LEMD3: variants seen among roughly 807,000 people sequenced by gnomAD.
LEMD3 encodes inner nuclear membrane protein Man1.
In LEMD3, 33 loss-of-function variants were observed where a neutral mutation model predicts 95.2. The ratio of observed to expected loss-of-function variants is 0.35; its 90% CI spans 0.26 to 0.46. LEMD3 has a LOEUF of 0.46. LEMD3 is among the 20% of genes least tolerant of loss of function. The probability of loss-of-function intolerance (pLI) is 1.00; values close to 1 mark genes in which losing one functional copy is unlikely to be tolerated. For synonymous variants in LEMD3, 525 were observed against 474.6 expected, an observed-to-expected ratio of 1.11 and a Z score of -1.38; for missense variants, 1,210 against 1,192.8, an observed-to-expected ratio of 1.01 and a Z score of -0.21.
intron 4 of LEMD3, among the ~76,000 whole-genome samples, chr12:65,231,087 G>T (rs556642822): frequency 1.3e-5 from 2 of 152,188 alleles, no homozygotes; most frequent in South Asian, 4.1e-4. Context: ...ATTTTTATAA[G>T]ATTATGGATT....
chr12:65,176,242 T>C, intron 1 of LEMD3, among the ~76,000 whole-genome samples: 1 of 152,238 alleles, frequency 6.6e-6, no homozygotes, highest in East Asian at 1.9e-4. Context: ...TCTAAACTCG[T>C]TGGCTAAACT....
chr12:65,186,940 G>A (rs1009173189), intron 1 of LEMD3, among the ~76,000 whole-genome samples: 8 of 151,962 alleles, frequency 5.3e-5, no homozygotes, highest in Admixed American at 3.9e-4. Flanking sequence ...GACATGATAT[G>A]AATATAAATA....
At position 65,210,759 on chromosome 12, in the gene LEMD3, C is replaced by G. The variant is rs575432007; in HGVS notation, c.1523-167C>G. On this transcript the variant is annotated intron_variant, in intron 1 of 12. Coordinates refer to ENST00000308330, the MANE Select transcript of LEMD3 (RefSeq NM_014319.5). ...CAAAGTGAGAATGATAAGTATAAGT[C>G]TGAAAAATTACTTCCCTAACCTTTA... is the stretch of plus-strand genomic sequence containing the variant. Among the ~76,000 whole-genome samples the G allele has an allele frequency of 3.9e-5, 6 of 152,246 alleles. No individual in the cohort carries two copies. In the East Asian group the frequency reaches 1.2e-3, roughly 29 times the overall value.
chr12:65,242,100 G>A (rs1870955485), intron 9 of LEMD3, among the ~76,000 whole-genome samples: 2 of 152,126 alleles, frequency 1.3e-5, no homozygotes, highest in South Asian at 2.1e-4. Context: ...ATGCATTTCA[G>A]TTTCCCTATA....
intron 1 of LEMD3, among the ~76,000 whole-genome samples, chr12:65,174,334 C>G (rs978912308): frequency 1.3e-5 from 2 of 152,096 alleles, no homozygotes; most frequent in East Asian, 3.8e-4. Context: ...AACTGCCATA[C>G]CAAAACAACT....
chr12:65,193,679 G>C (rs1246324413), intron 1 of LEMD3, among the ~76,000 whole-genome samples: 1 of 151,430 alleles, frequency 6.6e-6, no homozygotes, highest in African/African-American at 2.4e-5. Context: ...AATTATTAGA[G>C]AGACAGTTAA....
At chr12:65,220,579 C>A (rs1379596512) in intron 4 of LEMD3, among the ~76,000 whole-genome samples, 1 of 151,990 alleles carries the variant, frequency 6.6e-6, no homozygotes, top group African/African-American at 2.4e-5. Context: ...TTGATGTAGT[C>A]CCACTTTTCT....
At position 65,213,217 on chromosome 12, in the gene LEMD3, C is replaced by CTGTT. The variant is rs574381800; in HGVS notation, c.1560+2272_1560+2275dup. Among the ~76,000 whole-genome samples, 47 of 152,022 alleles carry CTGTT rather than the reference C, an allele frequency of 3.1e-4. No individual in the cohort carries two copies. In the South Asian group the frequency reaches 7.1e-3, roughly 23 times the overall value. ...TCTAGTATATAGACGGTCATTTAAA[C>CTGTT]TGTTTGTTTGTTTGTTTGTTTTTTT... On this transcript the variant is annotated intron_variant, in intron 2 of 12. Coordinates refer to ENST00000308330, the MANE Select transcript of LEMD3 (RefSeq NM_014319.5).
In LEMD3 at chr12:65,240,890, C is replaced by T. The variant is rs1870914370; in HGVS notation, c.2127-19C>T. 6.2e-7 allele frequency: 1 copy of T among 1,611,884 alleles called. No individual in the cohort carries two copies. The highest frequency in any genetic ancestry group is 1.3e-5 in the African/African-American group (1 of 74,826). ...CAAGCCAAGATGATAGTAAATTTGC[C>T]ATTTTGTTCACATGATAGGAAAAAA... On this transcript the variant is annotated intron_variant, in intron 8 of 12. Coordinates refer to ENST00000308330, the MANE Select transcript of LEMD3 (RefSeq NM_014319.5).
intron 1 of LEMD3, among the ~76,000 whole-genome samples, chr12:65,178,197 C>T (rs116481197): frequency 0.021 from 3,161 of 150,064 alleles, 126 homozygotes; most frequent in African/African-American, 0.075. Flanking sequence ...TGAAGTTTTA[C>T]GAGTTGACTG....
intron 1 of LEMD3, among the ~76,000 whole-genome samples, chr12:65,198,775 T>C (rs1393570569): frequency 1.3e-5 from 2 of 152,214 alleles, no homozygotes; most frequent in Non-Finnish European, 2.9e-5. Context: ...GTGGTTGTTA[T>C]ACTGTATTGT....
intron 1 of LEMD3, among the ~76,000 whole-genome samples, chr12:65,195,778 C>G (rs1869411992): frequency 6.6e-6 from 1 of 152,092 alleles, no homozygotes; most frequent in Non-Finnish European, 1.5e-5. Flanking sequence ...TCTAAGAATT[C>G]CTAGTGATTC....
chr12:65,188,140 G>A (rs1269664324), intron 1 of LEMD3, among the ~76,000 whole-genome samples: 1 of 151,952 alleles, frequency 6.6e-6, no homozygotes, highest in African/African-American at 2.4e-5. Flanking sequence ...CTACAGTAGG[G>A]TGTCTAAAAA....
intron 1 of LEMD3, among the ~76,000 whole-genome samples, chr12:65,209,965 A>G (rs1194856500): frequency 2.0e-5 from 3 of 152,094 alleles, no homozygotes; most frequent in Non-Finnish European, 4.4e-5. Flanking sequence ...ATAGATATAT[A>G]GTCTATATAA....
chr12:65,241,199 G>T lies in LEMD3; in HGVS notation c.2305+112G>T, dbSNP rs73314766. The T allele has an allele frequency of 6.1e-3, 5,341 of 871,392 alleles. 200 individuals carry two copies. The African/African-American group carries it at 0.078, about 13-fold the overall frequency. The allele number at this position is 871,392 out of a possible 1,614,324, so 54.0% of individuals were successfully genotyped here. On this transcript the variant is annotated intron_variant, in intron 9 of 12. Transcript: ENST00000308330. Reference sequence around the variant, plus strand: ...AGATGTATGAAGGCAAAACTCTCTCGTTCTGTTTCGTAGAAGGAATCAGTG... The same window carrying T: ...AGATGTATGAAGGCAAAACTCTCTCTTTCTGTTTCGTAGAAGGAATCAGTG...
At chr12:65,241,116 AT>A in intron 9 of LEMD3, 29 bp downstream of exon 9, 1 of 1,587,746 alleles carries the variant, frequency 6.3e-7, no homozygotes, top group Non-Finnish European at 8.6e-7. Context: ...CAAAAAAGTA[AT>A]TTTCTTCTAA....
chr12:65,188,278 A>G (rs1869128238), intron 1 of LEMD3, among the ~76,000 whole-genome samples: 1 of 152,156 alleles, frequency 6.6e-6, no homozygotes, highest in Admixed American at 6.6e-5. Context: ...TATATAAGCT[A>G]CATGGAAACT....
chr12:65,245,824 A>T (rs1201523124), intron 11 of LEMD3, 37 bp from the exon 12 acceptor site: 4 of 1,595,852 alleles, frequency 2.5e-6, no homozygotes, highest in South Asian at 1.1e-5. Context: ...TGTTGCTATT[A>T]AACTAAGACT....
intron 1 of LEMD3, among the ~76,000 whole-genome samples, chr12:65,175,340 C>T (rs1207118860): frequency 6.6e-6 from 1 of 152,126 alleles, no homozygotes; most frequent in Non-Finnish European, 1.5e-5. Flanking sequence ...ACTAAAATCT[C>T]TACCATTCTA....
Sources: allele counts gnomAD v4.1 joint callset (sites outside exome capture counted in the v4.1 genomes callset), GRCh38; gene constraint gnomAD v4.1.1; transcripts MANE v1.5; gene names NCBI Gene and HGNC (gene_info 2026-07-23, HGNC 2026-07-21).